Variants in TBC1D12 observed in about 807,000 individuals in gnomAD.
The protein encoded by TBC1D12 is TBC1 domain family, member 12.
A neutral mutation model predicts 86.7 loss-of-function variants in TBC1D12; 56 were observed. The ratio of observed to expected loss-of-function variants is 0.65; its 90% confidence interval spans 0.52 to 0.81. TBC1D12 has a LOEUF of 0.81. Ranked by LOEUF, TBC1D12 falls within the 30% of genes least tolerant of loss-of-function variation. The pLI is 0.00. For synonymous variants in TBC1D12, 421 were observed against 411.7 expected (o/e 1.02, Z -0.27); for missense variants, 1,023 against 1,038.8 (o/e 0.98, Z 0.21).
intron 3 of TBC1D12, among the ~76,000 whole-genome samples, chr10:94,484,952 A>T (rs2056137643): frequency 6.6e-6 from 1 of 152,054 alleles, no homozygotes; most frequent in African/African-American, 2.4e-5. Flanking sequence ...TTGATTTTTT[A>T]TCCTGCAACT....
chr10:94,461,065 A>C (rs1349288372), intron 2 of TBC1D12, among the ~76,000 whole-genome samples: 1 of 150,388 alleles, frequency 6.6e-6, no homozygotes, highest in Non-Finnish European at 1.5e-5. Context: ...ATCATATCTG[A>C]CTCTGGTTCT....
intron 3 of TBC1D12, among the ~76,000 whole-genome samples, chr10:94,489,621 C>T (rs538658512): frequency 4.1e-4 from 62 of 152,280 alleles, no homozygotes; most frequent in African/African-American, 1.4e-3. Flanking sequence ...TTTGGCATGC[C>T]TTCCTCATTA....
chr10:94,487,694 C>CTTTTT (rs35682157), intron 3 of TBC1D12, among the ~76,000 whole-genome samples: 3 of 127,334 alleles, frequency 2.4e-5, no homozygotes, highest in Non-Finnish European at 3.3e-5. Flanking sequence ...TGTTGTTTCT[C>CTTTTT]TTTTTTTTTT....
chr10:94,439,079 C>T (rs926789671), intron 1 of TBC1D12, among the ~76,000 whole-genome samples: 4 of 152,124 alleles, frequency 2.6e-5, no homozygotes, highest in African/African-American at 9.7e-5. Context: ...GCTAGGATTA[C>T]AGATGTGAGC....
chr10:94,415,696 TGCACTCCAGCCTGG>T (rs920186187), intron 1 of TBC1D12, among the ~76,000 whole-genome samples: 12 of 152,072 alleles, frequency 7.9e-5, no homozygotes, highest in African/African-American at 2.7e-4. Flanking sequence ...ATGGCACCAC[TGCACTCCAGCCTGG>T]GCACTCCAGC....
chr10:94,501,589 T>A (rs1286092710), intron 6 of TBC1D12: 2 of 152,006 alleles, frequency 1.3e-5, no homozygotes, highest in African/African-American at 4.8e-5. Context: ...GCTCTGTTGC[T>A]GTGCTGGAGT....
intron 6 of TBC1D12, among the ~76,000 whole-genome samples, chr10:94,503,680 A>G (rs894572421): frequency 1.3e-5 from 2 of 152,094 alleles, no homozygotes; most frequent in African/African-American, 4.8e-5. Flanking sequence ...GCTGGAGTGC[A>G]GTGGTGCTCT....
rs117403418 is a variant in TBC1D12 at position 94,427,044 on chromosome 10, C to T, written c.972-14852C>T. Among the ~76,000 whole-genome samples the T allele has an allele frequency of 2.5e-3, 380 of 152,242 alleles. 10 individuals carry two copies. In the East Asian group the frequency reaches 0.06, roughly 24 times the overall value. On this transcript the variant is annotated intron_variant, in intron 1 of 12. Coordinates refer to ENST00000225235, the MANE Select transcript of TBC1D12 (RefSeq NM_015188.2). ...CATTTCTGTCATCCCCAAAAGAAACCCTGTACCTATTATAAAGATGAAATA... is the reference window on the plus strand; with the variant it reads ...CATTTCTGTCATCCCCAAAAGAAACTCTGTACCTATTATAAAGATGAAATA...
chr10:94,477,251 A>G (rs2056003855), intron 3 of TBC1D12, among the ~76,000 whole-genome samples: 1 of 152,104 alleles, frequency 6.6e-6, no homozygotes, highest in South Asian at 2.1e-4. Flanking sequence ...TTAATTAACA[A>G]TTTTGTTCAC....
intron 2 of TBC1D12, among the ~76,000 whole-genome samples, chr10:94,461,118 G>T (rs1289345427): frequency 6.6e-6 from 1 of 152,002 alleles, no homozygotes; most frequent in South Asian, 2.1e-4. Flanking sequence ...TTACCATTTA[G>T]TATGCCATAT....
intron 2 of TBC1D12, among the ~76,000 whole-genome samples, chr10:94,449,024 A>C (rs2134101582): frequency 6.6e-6 from 1 of 152,268 alleles, no homozygotes; most frequent in African/African-American, 2.4e-5. Context: ...GGGAGAAGGG[A>C]GAAGTATGAT....
intron 2 of TBC1D12, among the ~76,000 whole-genome samples, chr10:94,471,410 T>C (rs951612065): frequency 1.3e-5 from 2 of 152,232 alleles, no homozygotes; most frequent in African/African-American, 4.8e-5. Flanking sequence ...TCATCAAACT[T>C]GGCTTTATCC....
intron 3 of TBC1D12, among the ~76,000 whole-genome samples, chr10:94,487,580 A>G (rs1336379491): frequency 6.6e-6 from 1 of 152,062 alleles, no homozygotes; most frequent in Non-Finnish European, 1.5e-5. Flanking sequence ...ACAAACTAGC[A>G]AAAAGAAAAC....
At chr10:94,456,569 G>C (rs1016337482) in intron 2 of TBC1D12, among the ~76,000 whole-genome samples, 1 of 152,162 alleles carries the variant, frequency 6.6e-6, no homozygotes, top group East Asian at 1.9e-4. Flanking sequence ...ACTTGTTAAG[G>C]TGTAGTTTAT....
rs1554944666 is a variant in TBC1D12 at position 94,487,258 on chromosome 10, T to TA, written c.1212-6104dup. ...TCATTGGGTCTTTTTTTTTTTTTTT[T>TA]AAATCTATTCAGTTACTGTATCTTT... is the stretch of plus-strand genomic sequence containing the variant. On this transcript the variant is annotated intron_variant, in intron 3 of 12. Transcript: ENST00000225235. Among the ~76,000 whole-genome samples the TA allele has an allele frequency of 9.3e-5, 14 of 150,520 alleles. No homozygotes were observed. In the South Asian group the frequency reaches 1.9e-3, roughly 20 times the overall value.
At chr10:94,522,999 T>C (rs1287260323) in intron 11 of TBC1D12, among the ~76,000 whole-genome samples, 1 of 139,728 alleles carries the variant, frequency 7.2e-6, no homozygotes, top group Non-Finnish European at 1.5e-5. Context: ...GAGCCAAGAT[T>C]GCGATACTGC....
rs1224534216 is a variant in TBC1D12 at position 94,500,325 on chromosome 10, C to G, written c.1517C>G (p.Pro506Arg). 1 of 1,612,532 alleles carries G rather than the reference C, an allele frequency of 6.2e-7. No homozygotes were observed. Among genetic ancestry groups the G allele is most frequent in the Non-Finnish European group, 8.5e-7 (1 of 1,179,274 alleles). ...GTAGGAAATGAACTAAATATCACTC[C>G]TGGTTTGTATTCTACGTTCAGTTAT... Reference protein sequence around the residue: ...LAVGNELNITPELYEIFLSRA... With the variant: ...LAVGNELNITRELYEIFLSRA... Residue 506 changes from proline (P) to arginine (R), a missense_variant and splice_region_variant, in exon 6 of 13, where the codon CCT becomes CGT. Physicochemically the swap from Pro to Arg is moderately radical, Grantham distance 103. Around this residue, in one of 2 missense-constraint regions of TBC1D12, gnomAD observed 395 missense variants for 507.7 expected, o/e 0.78. Coordinates refer to ENST00000225235, the MANE Select transcript of TBC1D12 (RefSeq NM_015188.2).
intron 2 of TBC1D12, among the ~76,000 whole-genome samples, chr10:94,451,516 C>T (rs891250432): frequency 6.6e-6 from 1 of 151,952 alleles, no homozygotes; most frequent in African/African-American, 2.4e-5. Context: ...TCTTGTGTTC[C>T]TAGCTGGTTC....
Position 94,535,229 on chromosome 10 carries a change from G to A in TBC1D12, c.*2133G>A, listed in dbSNP as rs978911760. The A allele has an allele frequency of 2.0e-5, 3 of 152,096 alleles. No individual in the cohort carries two copies. The highest frequency in any genetic ancestry group is 7.2e-5 in the African/African-American group (3 of 41,426). The allele number at this position is 152,096 out of a possible 1,614,324, so 9.4% of individuals were successfully genotyped here. On this transcript the variant is annotated 3_prime_UTR_variant, in exon 13 of 13. Coordinates refer to ENST00000225235, the MANE Select transcript of TBC1D12 (RefSeq NM_015188.2). The stretch of plus-strand genomic sequence containing the variant: ...GGCAAGGCTATATCTGATTGACAGA[G>A]ATCTCTGATCTCTAATGACATATTG...
Sources: allele counts gnomAD v4.1 joint callset (sites outside exome capture counted in the v4.1 genomes callset), GRCh38; gene constraint gnomAD v4.1.1; regional missense constraint gnomAD v4.1.1; transcripts MANE v1.5; gene names NCBI Gene and HGNC (gene_info 2026-07-23, HGNC 2026-07-21).